The following RANBP3L variants were observed in gnomAD, a reference collection of about 807,000 sequenced individuals.
RANBP3L encodes the protein RAN binding protein 3 like.
RANBP3L carries 56 observed loss-of-function variants against 67.2 expected under a neutral mutation model. That is an observed-to-expected ratio of 0.83 (90% CI 0.67 to 1.04). RANBP3L has a LOEUF of 1.04. Among genes scored for constraint, RANBP3L ranks in the 50% least tolerant of loss-of-function variants. The pLI is 0.00. For missense variants in RANBP3L, 496 were observed against 535.5 expected (o/e 0.93, Z 0.73); for synonymous variants, 164 against 181.4 (o/e 0.90, Z 0.77).
intron 4 of RANBP3L, among the ~76,000 whole-genome samples, chr5:36,266,110 G>C (rs763415136): frequency 6.6e-6 from 1 of 151,710 alleles, no homozygotes; most frequent in Non-Finnish European, 1.5e-5. Flanking sequence ...TTTAAATAGT[G>C]CACTGTCAGA....
At chr5:36,264,696 G>T (rs1215513282) in intron 6 of RANBP3L, among the ~76,000 whole-genome samples, 1 of 152,064 alleles carries the variant, frequency 6.6e-6, no homozygotes, top group Non-Finnish European at 1.5e-5. Context: ...CTCACACAGG[G>T]TCATTGCTCT....
chr5:36,287,871 G>A (rs1751438332), intron 1 of RANBP3L, among the ~76,000 whole-genome samples: 1 of 152,184 alleles, frequency 6.6e-6, no homozygotes, highest in South Asian at 2.1e-4. Context: ...GATATTTCCT[G>A]AGCTGTGGGT....
At chr5:36,269,031 C>G (rs1195143937) in intron 4 of RANBP3L, among the ~76,000 whole-genome samples, 3 of 152,014 alleles carry the variant, frequency 2.0e-5, no homozygotes, top group Non-Finnish European at 2.9e-5. Context: ...TAAAAATGGC[C>G]TTTTCTCCTG....
intron 1 of RANBP3L, among the ~76,000 whole-genome samples, chr5:36,283,762 T>A (rs1375203697): frequency 6.6e-6 from 1 of 152,222 alleles, no homozygotes; most frequent in African/African-American, 2.4e-5. Flanking sequence ...ATATGGTTTT[T>A]ACATCTACAT....
intron 1 of RANBP3L, among the ~76,000 whole-genome samples, chr5:36,285,268 A>T (rs1444232985): frequency 6.6e-6 from 1 of 152,220 alleles, no homozygotes; most frequent in Non-Finnish European, 1.5e-5. Flanking sequence ...ACGAAAGAAT[A>T]ATTCTTGGCA....
At chr5:36,298,310 A>G (rs934206427) in intron 1 of RANBP3L, among the ~76,000 whole-genome samples, 7 of 151,926 alleles carry the variant, frequency 4.6e-5, no homozygotes, top group Admixed American at 4.6e-4. Flanking sequence ...AAAAAAAAAA[A>G]AAAAAAGGAA....
At position 36,277,422 on chromosome 5, in the gene RANBP3L, CTATA is replaced by C. The variant is rs1554017945; in HGVS notation, c.92-6115_92-6112del. ...CATCTCTCTCTCTCTCTCTCTCTCT[CTATA>C]TATATATATATATATGTGTGTGTGT... On this transcript the variant is annotated intron_variant, in intron 1 of 13. Transcript: ENST00000296604. Among the ~76,000 whole-genome samples the C allele has an allele frequency of 1.8e-3, 208 of 115,296 alleles. 2 individuals are homozygous for C. The highest frequency in any genetic ancestry group is 6.5e-3 in the African/African-American group (193 of 29,692). 75.6% of individuals were successfully genotyped at this position (115,296 alleles called of 152,430 possible). A position where few individuals can be genotyped will look rare whatever the true frequency, so the allele number is the denominator to read the frequency against.
intron 2 of RANBP3L, among the ~76,000 whole-genome samples, chr5:36,270,212 A>T (rs1320829027): frequency 6.6e-6 from 1 of 152,208 alleles, no homozygotes; most frequent in Non-Finnish European, 1.5e-5. Context: ...TCCTTTGTTC[A>T]GCACATAGTC....
intron 1 of RANBP3L, among the ~76,000 whole-genome samples, chr5:36,283,832 G>A (rs1751146398): frequency 6.6e-6 from 1 of 152,188 alleles, no homozygotes; most frequent in Non-Finnish European, 1.5e-5. Flanking sequence ...AGGTTTGAAA[G>A]TTTCTCTGAA....
chr5:36,293,682 T>C (rs866263569), intron 1 of RANBP3L, among the ~76,000 whole-genome samples: 1 of 146,950 alleles, frequency 6.8e-6, no homozygotes, highest in Non-Finnish European at 1.5e-5. Context: ...TCGTTGGTTC[T>C]GTTTATATGC....
At chr5:36,273,000 C>G (rs1409702354) in intron 1 of RANBP3L, among the ~76,000 whole-genome samples, 1 of 152,086 alleles carries the variant, frequency 6.6e-6, no homozygotes, top group African/African-American at 2.4e-5. Flanking sequence ...GCCAAGTGAT[C>G]CCCAGCAGAA....
chr5:36,281,791 G>T (rs1011159358), intron 1 of RANBP3L, among the ~76,000 whole-genome samples: 1 of 152,164 alleles, frequency 6.6e-6, no homozygotes, highest in Non-Finnish European at 1.5e-5. Flanking sequence ...AAATCTCCAT[G>T]TAAATATTTC....
intron 1 of RANBP3L, among the ~76,000 whole-genome samples, chr5:36,300,758 A>G (rs1260266659): frequency 2.0e-5 from 3 of 152,170 alleles, no homozygotes; most frequent in African/African-American, 7.2e-5. Context: ...AAAAAGACTG[A>G]TGGTGAAAAT....
intron 8 of RANBP3L, among the ~76,000 whole-genome samples, chr5:36,260,559 GTTATAA>G (rs893866143): frequency 1.4e-3 from 213 of 152,126 alleles, no homozygotes; most frequent in African/African-American, 5.0e-3. Flanking sequence ...CAGTAATAAT[GTTATAA>G]TTATACAGTT....
At chr5:36,271,498 TAAA>T (rs1750210621) in intron 1 of RANBP3L, among the ~76,000 whole-genome samples, 187 bp from the exon 2 acceptor site, 1 of 152,156 alleles carries the variant, frequency 6.6e-6, no homozygotes, top group Non-Finnish European at 1.5e-5. Flanking sequence ...ATTACAGAAA[TAAA>T]TACTTGGGGG....
chr5:36,271,299 A>G lies in RANBP3L; in HGVS notation c.104T>C (p.Ile35Thr). 6.3e-7 allele frequency: 1 copy of G among 1,584,680 alleles called. No individual in the cohort carries two copies. Among genetic ancestry groups the G allele is most frequent in the Non-Finnish European group, 8.7e-7 (1 of 1,154,704 alleles). Reference sequence around the variant, plus strand: ...TTCAAAAACAAATATGGGTTGAGCAATGACAGATTTTTCTGTGAAAAAAAA... The same window carrying G: ...TTCAAAAACAAATATGGGTTGAGCAGTGACAGATTTTTCTGTGAAAAAAAA... ...EDRRQQEKSVIAQPIFVFEKG... is the reference protein window; with the variant it reads ...EDRRQQEKSVTAQPIFVFEKG... Residue 35 changes from isoleucine to threonine, a missense_variant, in exon 2 of 14, where the codon ATT becomes ACT. Physicochemically the swap from Ile to Thr is moderately conservative, Grantham distance 89 (BLOSUM62 -1). Coordinates refer to ENST00000296604, the MANE Select transcript of RANBP3L (RefSeq NM_145000.5).
chr5:36,271,281 A>T lies in RANBP3L; in HGVS notation c.122T>A (p.Val41Asp), dbSNP rs776296794. The T allele has an allele frequency of 4.1e-5, 65 of 1,590,282 alleles. 2 individuals carry two copies. In the Middle Eastern group the frequency reaches 3.0e-3, roughly 74 times the overall value. The change falls in exon 2 of 14, where the codon GTT becomes GAT. Residue 41 changes from valine (V) to aspartate (D), a missense_variant. Val to Asp is a radical substitution (Grantham distance 152). Coordinates refer to ENST00000296604, the MANE Select transcript of RANBP3L (RefSeq NM_145000.5). ...AAAAGTTTGTTCTCCCTTTTCAAAA[A>T]CAAATATGGGTTGAGCAATGACAGA... ...EKSVIAQPIF[V>D]FEKGEQTFKR...
At chr5:36,252,282 G>A (rs1470242510) in intron 12 of RANBP3L, among the ~76,000 whole-genome samples, 1 of 151,828 alleles carries the variant, frequency 6.6e-6, no homozygotes, top group African/African-American at 2.4e-5. Context: ...TCGCATTAGT[G>A]GGATTAATGG....
intron 1 of RANBP3L, among the ~76,000 whole-genome samples, chr5:36,272,233 G>C (rs1750268952): frequency 6.6e-6 from 1 of 151,980 alleles, no homozygotes; most frequent in African/African-American, 2.4e-5. Flanking sequence ...AAACAAAAAA[G>C]CCTTAAAGAA....
Sources: gnomAD v4.1 joint callset for allele counts (sites outside exome capture counted in the v4.1 genomes callset) on GRCh38, gnomAD v4.1.1 for gene constraint, MANE v1.5 for transcripts, NCBI Gene and HGNC (gene_info 2026-07-23, HGNC 2026-07-21) for gene names.